PCDH7: variants seen among roughly 807,000 people sequenced by gnomAD.
PCDH7 encodes protocadherin-7.
In PCDH7, 17 loss-of-function variants were observed where a neutral mutation model predicts 58.9. The ratio of observed to expected loss-of-function variants is 0.29; its 90% CI spans 0.20 to 0.43. The LOEUF is 0.43. Among genes scored for constraint, PCDH7 ranks in the 20% least tolerant of loss-of-function variants. The pLI, the probability that PCDH7 is intolerant of heterozygous loss-of-function variation, is 1.00. For missense variants in PCDH7, 1,274 were observed against 1,441.0 expected, an observed-to-expected ratio of 0.88 and a Z score of 1.88; for synonymous variants, 664 against 616.4, an observed-to-expected ratio of 1.08 and a Z score of -1.14.
chr4:30,722,972 G>T lies in PCDH7; in HGVS notation c.1550G>T (p.Ser517Ile). Residue 517 changes from serine to isoleucine, a missense_variant, in exon 1 of 2, where the codon AGC becomes ATC. Ser to Ile is a moderately radical substitution (Grantham distance 142). Transcript: ENST00000361762. The surrounding 1 kb of genome is among the most constrained non-coding windows in gnomAD (Gnocchi z 7.6). ...GACTCAGGCAGCCCCAGCCTCTCGA[G>T]CAACAACTCCCTGATTGTCAAGGTG... The T allele has an allele frequency of 6.2e-7, 1 of 1,613,758 alleles. No individual in the cohort carries two copies. Among genetic ancestry groups the T allele is most frequent in the Non-Finnish European group, 8.5e-7 (1 of 1,180,026 alleles).
At chr4:30,741,505 T>G (rs1717074450) in intron 1 of PCDH7, among the ~76,000 whole-genome samples, 1 of 152,132 alleles carries the variant, frequency 6.6e-6, no homozygotes, top group Non-Finnish European at 1.5e-5. Context: ...ACAATAAATA[T>G]TAAAACATTG....
At chr4:30,942,548 A>C (rs1020735736) in intron 2 of PCDH7, among the ~76,000 whole-genome samples, 1 of 152,018 alleles carries the variant, frequency 6.6e-6, no homozygotes, top group African/African-American at 2.4e-5. Flanking sequence ...GAGGACCTCA[A>C]AGACTTGAAG....
chr4:31,142,865 C>T (rs897988635), exon 4 of PCDH7: 74 of 1,347,340 alleles, frequency 5.5e-5, no homozygotes, highest in Non-Finnish European at 6.9e-5. Context: ...AAAGGAGCAA[C>T]AGCAAAGTTC....
chr4:30,982,054 G>C (rs1419133536), intron 3 of PCDH7, among the ~76,000 whole-genome samples: 1 of 152,124 alleles, frequency 6.6e-6, no homozygotes, highest in Non-Finnish European at 1.5e-5. Flanking sequence ...CAAGAAAGTA[G>C]ATTTAAAGTG....
At chr4:30,879,889 G>A (rs1560462072) in intron 1 of PCDH7, among the ~76,000 whole-genome samples, 1 of 152,026 alleles carries the variant, frequency 6.6e-6, no homozygotes, top group Non-Finnish European at 1.5e-5. Context: ...AGACCTCTTT[G>A]ATAATTTGAT....
chr4:31,080,632 A>G (rs554717280), intron 3 of PCDH7, among the ~76,000 whole-genome samples: 1 of 152,166 alleles, frequency 6.6e-6, no homozygotes, highest in East Asian at 1.9e-4. Context: ...GCATTTATTC[A>G]TGCCTTATGG....
chr4:30,736,412 A>AGG (rs1716265358), downstream of PCDH7, among the ~76,000 whole-genome samples: 1 of 152,158 alleles, frequency 6.6e-6, no homozygotes, highest in South Asian at 2.1e-4. Flanking sequence ...AATTTAAAAA[A>AGG]TCGGGGTGAT....
chr4:30,927,005 T>A (rs888726172), intron 2 of PCDH7, among the ~76,000 whole-genome samples: 1 of 152,300 alleles, frequency 6.6e-6, no homozygotes, highest in African/African-American at 2.4e-5. Context: ...CCTTTTATTC[T>A]AATTTGGTCC....
chr4:30,793,056 A>C (rs2109300143), intron 1 of PCDH7, among the ~76,000 whole-genome samples: 2 of 152,316 alleles, frequency 1.3e-5, no homozygotes, highest in South Asian at 4.1e-4. Flanking sequence ...ATATTAAGGA[A>C]ATAATCAAAT....
rs1399383949 is a variant in PCDH7, at chr4:31,115,637, T to C, written c.*8-26836T>C. Among the ~76,000 whole-genome samples, 4 of 152,210 alleles carry C rather than the reference T, an allele frequency of 2.6e-5. 1 individual carries two copies. The highest frequency in any genetic ancestry group is 5.9e-5 in the Non-Finnish European group (4 of 68,020). ...ATCAGTAATAATTATCAATGTAATG[T>C]GATGAATTCTTTATTATGATTCACA... On this transcript the variant is annotated intron_variant, in intron 3 of 3. Transcript: ENST00000509759.
intron 3 of PCDH7, among the ~76,000 whole-genome samples, chr4:30,986,957 A>G (rs1214966626): frequency 1.3e-5 from 2 of 151,600 alleles, no homozygotes; most frequent in Non-Finnish European, 1.5e-5. Context: ...CTCCAGCCTG[A>G]CGACAGAGCG....
chr4:30,916,761 G>C (rs1259409259), intron 1 of PCDH7, among the ~76,000 whole-genome samples: 1 of 152,162 alleles, frequency 6.6e-6, no homozygotes, highest in Non-Finnish European at 1.5e-5. Context: ...GGAGCACATT[G>C]CTTTTTGAAC....
At position 30,721,012 on chromosome 4, in the gene PCDH7, C is replaced by G. The variant is rs1713413843; in HGVS notation, c.-411C>G. 1 of 191,478 alleles carries G rather than the reference C, an allele frequency of 5.2e-6. No homozygotes were observed. The highest frequency in any genetic ancestry group is 1.1e-5 in the Non-Finnish European group (1 of 94,910). 11.9% of individuals were successfully genotyped at this position (191,478 alleles called of 1,614,324 possible). A position where few individuals can be genotyped will look rare whatever the true frequency, so the allele number is the denominator to read the frequency against. ...CCACTGCCCGTCTGCCGGAGCGGTT[C>G]TGGCCCCTTCCGACAGAGCGGGGAC... is the stretch of plus-strand genomic sequence containing the variant. On this transcript the variant is annotated 5_prime_UTR_variant, in exon 1 of 2. Transcript: ENST00000361762. This position sits in a 1 kb window ranked among gnomAD's most constrained non-coding sequence, Gnocchi z 6.7.
At position 30,925,144 on chromosome 4, in the gene PCDH7, G is replaced by A. The variant is rs12651183; in HGVS notation, c.287+4775G>A. Among the ~76,000 whole-genome samples, 247 of 152,176 alleles carry A rather than the reference G, an allele frequency of 1.6e-3. 6 individuals carry two copies. The East Asian group carries it at 0.043, about 26-fold the overall frequency. Reference sequence around the variant, plus strand: ...TTTCCTTCATCTCTTCATTCTACATGCATTATACCTTGTCCTTGATTATTT... The same window carrying A: ...TTTCCTTCATCTCTTCATTCTACATACATTATACCTTGTCCTTGATTATTT... On this transcript the variant is annotated intron_variant, in intron 2 of 3. Transcript: ENST00000509759.
intron 3 of PCDH7, among the ~76,000 whole-genome samples, chr4:31,078,190 G>T (rs1488013519): frequency 6.6e-6 from 1 of 152,090 alleles, no homozygotes. Flanking sequence ...TGGGAGGGAC[G>T]CAGCAAGGAA....
At chr4:30,898,843 G>A (rs568687288) in intron 1 of PCDH7, among the ~76,000 whole-genome samples, 3 of 152,150 alleles carry the variant, frequency 2.0e-5, no homozygotes, top group South Asian at 2.1e-4. Context: ...CGCCCGCCTC[G>A]GCCTCCCAAA....
intron 1 of PCDH7, among the ~76,000 whole-genome samples, chr4:30,918,765 T>C (rs1742798589): frequency 1.3e-5 from 2 of 152,156 alleles, no homozygotes; most frequent in African/African-American, 4.8e-5. Flanking sequence ...AGTACATGAA[T>C]TGTGAGCTAC....
chr4:30,909,079 T>A lies in PCDH7; in HGVS notation c.71-11074T>A, dbSNP rs4692485. On this transcript the variant is annotated intron_variant, in intron 1 of 3. Transcript: ENST00000509759. ...AGATAAACAGAACCAATGACGAAAA[T>A]GACATGATTATCTCAATGGATGCAA... 1.1e-4 allele frequency among the ~76,000 whole-genome samples: 16 copies of A among 151,632 alleles called. No homozygotes were observed. The East Asian group carries it at 2.7e-3, about 26-fold the overall frequency.
intron 1 of PCDH7, among the ~76,000 whole-genome samples, chr4:30,867,126 G>A (rs1296709530): frequency 1.3e-5 from 2 of 152,032 alleles, no homozygotes; most frequent in Admixed American, 6.6e-5. Context: ...ACCTCAGGCT[G>A]TCTGTACAGG....
Sources: allele counts gnomAD v4.1 joint callset (sites outside exome capture counted in the v4.1 genomes callset), GRCh38; gene constraint gnomAD v4.1.1; non-coding constraint Gnocchi (gnomAD v3.1); transcripts MANE v1.5; gene names NCBI Gene and HGNC (gene_info 2026-07-23, HGNC 2026-07-21).